KIAA0319L: variants seen among roughly 807,000 people sequenced by gnomAD.
The protein encoded by KIAA0319L is dyslexia-associated protein KIAA0319-like protein.
In KIAA0319L, 55 loss-of-function variants were observed where a neutral mutation model predicts 120.1. The observed-to-expected ratio is 0.46, with a 90% CI of 0.37 to 0.57. KIAA0319L has a LOEUF of 0.57. Ranked by LOEUF, KIAA0319L falls within the 20% of genes least tolerant of loss-of-function variation. The probability of loss-of-function intolerance (pLI) is 0.00; values close to 1 mark genes in which losing one functional copy is unlikely to be tolerated. For missense variants in KIAA0319L, 1,049 were observed against 1,255.3 expected (o/e 0.84, Z 2.48); for synonymous variants, 398 against 471.9 (o/e 0.84, Z 2.03).
At chr1:35,515,927 A>C (rs184574445) in intron 2 of KIAA0319L, among the ~76,000 whole-genome samples, 1 of 152,206 alleles carries the variant, frequency 6.6e-6, no homozygotes, top group Non-Finnish European at 1.5e-5. Context: ...GATCACCTCT[A>C]TGCATACAAA....
Position 35,434,494 on chromosome 1 carries a change from C to A in KIAA0319L, c.*400G>T, listed in dbSNP as rs1338369428. 5.9e-6 allele frequency: 1 copy of A among 169,576 alleles called. No homozygotes were observed. The highest frequency in any genetic ancestry group is 1.2e-5 in the Non-Finnish European group (1 of 80,482). 10.5% of individuals were successfully genotyped at this position (169,576 alleles called of 1,614,324 possible). ...ACCCCAGAGAGGGAAACACCATGCC[C>A]ACAGTGCTTGGTTTTGCACTCAGGT... On this transcript the variant is annotated 3_prime_UTR_variant, in exon 21 of 21. Coordinates refer to ENST00000325722, the MANE Select transcript of KIAA0319L (RefSeq NM_024874.5).
intron 4 of KIAA0319L, among the ~76,000 whole-genome samples, chr1:35,478,267 G>C (rs923251329): frequency 6.7e-6 from 1 of 148,880 alleles, no homozygotes; most frequent in Non-Finnish European, 1.5e-5. Context: ...GCGAAGGGTA[G>C]TGTGGGGGTA....
chr1:35,434,136 G>A lies in KIAA0319L; in HGVS notation c.*758C>T, dbSNP rs1435002626. On this transcript the variant is annotated 3_prime_UTR_variant, in exon 21 of 21. Coordinates refer to ENST00000325722, the MANE Select transcript of KIAA0319L (RefSeq NM_024874.5). ...GTCTTGCTCTGTCACTCAGGCTGGAGTGCAGTGGCACGATCTTGGCTCACT... is the reference window on the plus strand; with the variant it reads ...GTCTTGCTCTGTCACTCAGGCTGGAATGCAGTGGCACGATCTTGGCTCACT... 2.0e-5 allele frequency: 3 copies of A among 147,706 alleles called. No homozygotes were observed. Among genetic ancestry groups the A allele is most frequent in the Non-Finnish European group, 4.4e-5 (3 of 67,668 alleles). 9.1% of individuals were successfully genotyped at this position (147,706 alleles called of 1,614,324 possible).
At chr1:35,485,362 T>C (rs193096794) in intron 3 of KIAA0319L, among the ~76,000 whole-genome samples, 1 of 152,300 alleles carries the variant, frequency 6.6e-6, no homozygotes, top group African/African-American at 2.4e-5. Flanking sequence ...CATTTAGTAG[T>C]CAGACAATGA....
chr1:35,482,999 C>T (rs887468885), intron 3 of KIAA0319L, among the ~76,000 whole-genome samples: 4 of 152,102 alleles, frequency 2.6e-5, no homozygotes, highest in African/African-American at 4.8e-5. Context: ...TAGTGATTAG[C>T]GACATTGAAC....
chr1:35,448,273 CAGTT>C lies in KIAA0319L; in HGVS notation c.2409_2412del (p.Thr804ArgfsTer3). ...CGGATGAACATCCCCTTCAGCCTCTCAGTTAGCTGACTGACGTTGATATCCAAGA... is the reference window on the plus strand; with the variant it reads ...CGGATGAACATCCCCTTCAGCCTCTCAGCTGACTGACGTTGATATCCAAGA... On this transcript the variant is annotated frameshift_variant, in exon 16 of 21. Transcript: ENST00000325722. LOFTEE classifies it high-confidence loss of function. The C allele has an allele frequency of 6.2e-7, 1 of 1,614,058 alleles. No homozygotes were observed. The highest frequency in any genetic ancestry group is 8.5e-7 in the Non-Finnish European group (1 of 1,179,978).
chr1:35,453,162 A>G lies in KIAA0319L; in HGVS notation c.1913+395T>C, dbSNP rs959020254. Among the ~76,000 whole-genome samples, 8 of 152,154 alleles carry G rather than the reference A, an allele frequency of 5.3e-5. No homozygotes were observed. The highest frequency in any genetic ancestry group is 2.0e-4 in the Admixed American group (3 of 15,272). Reference sequence around the variant, plus strand: ...CTTTCATTTTATGGATGTATTTTCAATTTCTCTTAATAGCTGCTCTGCCCC... The same window carrying G: ...CTTTCATTTTATGGATGTATTTTCAGTTTCTCTTAATAGCTGCTCTGCCCC... On this transcript the variant is annotated intron_variant, in intron 12 of 20. Transcript: ENST00000325722. The surrounding 1 kb of genome is among the most constrained non-coding windows in gnomAD (Gnocchi z 4.1).
chr1:35,544,040 G>A (rs773977405), intron 2 of KIAA0319L, among the ~76,000 whole-genome samples: 2 of 152,090 alleles, frequency 1.3e-5, no homozygotes, highest in African/African-American at 2.4e-5. Flanking sequence ...TGGGCAGACC[G>A]GCTAGAGCAT....
intron 3 of KIAA0319L, among the ~76,000 whole-genome samples, chr1:35,485,571 C>T (rs1184250081): frequency 7.2e-5 from 11 of 152,226 alleles, no homozygotes; most frequent in African/African-American, 2.4e-4. Flanking sequence ...ATGTGGAGAG[C>T]TTATCGTAGC....
At chr1:35,519,361 T>C (rs1231481629) in intron 2 of KIAA0319L, among the ~76,000 whole-genome samples, 1 of 152,202 alleles carries the variant, frequency 6.6e-6, no homozygotes, top group Non-Finnish European at 1.5e-5. Context: ...AAGTTTTTTT[T>C]TCCCCTGTAT....
At chr1:35,515,495 G>T (rs1447752662) in intron 2 of KIAA0319L, among the ~76,000 whole-genome samples, 1 of 152,072 alleles carries the variant, frequency 6.6e-6, no homozygotes, top group Non-Finnish European at 1.5e-5. Context: ...CAGAAATCAA[G>T]AAGTTATTTG....
Position 35,537,179 on chromosome 1 carries a change from G to A in KIAA0319L, c.142+17171C>T, listed in dbSNP as rs79905488. ...AAGAAAAGCACCTAGATATGATGTC[G>A]TGAATCTACCAATTCCCTGTGTAGC... is the stretch of plus-strand genomic sequence containing the variant. On this transcript the variant is annotated intron_variant, in intron 2 of 20. Coordinates refer to ENST00000325722, the MANE Select transcript of KIAA0319L (RefSeq NM_024874.5). Among the ~76,000 whole-genome samples the A allele has an allele frequency of 6.1e-3, 931 of 152,186 alleles. 14 individuals are homozygous for A. Among genetic ancestry groups the A allele is most frequent in the African/African-American group, 0.021 (886 of 41,526 alleles).
At chr1:35,479,966 A>AAAAAAAAAAC (rs1644090904) in intron 3 of KIAA0319L, among the ~76,000 whole-genome samples, 39 of 130,774 alleles carry the variant, frequency 3.0e-4, no homozygotes, top group African/African-American at 7.2e-4. Context: ...AAAAAAAAAA[A>AAAAAAAAAAC]AAAAAACACA....
At chr1:35,542,767 G>C (rs1194866836) in intron 2 of KIAA0319L, among the ~76,000 whole-genome samples, 1 of 152,162 alleles carries the variant, frequency 6.6e-6, no homozygotes, top group East Asian at 1.9e-4. Flanking sequence ...CAATTACTGA[G>C]ATTTTAATAA....
At chr1:35,509,315 T>C (rs1645331213) in intron 2 of KIAA0319L, among the ~76,000 whole-genome samples, 1 of 152,162 alleles carries the variant, frequency 6.6e-6, no homozygotes, top group South Asian at 2.1e-4. Flanking sequence ...TGAAACTGCA[T>C]GAGGGAAATT....
At chr1:35,540,171 T>A (rs1019323457) in intron 2 of KIAA0319L, among the ~76,000 whole-genome samples, 1 of 152,106 alleles carries the variant, frequency 6.6e-6, no homozygotes, top group Non-Finnish European at 1.5e-5. Context: ...GTGGGTAGAG[T>A]TCCAGATAGG....
chr1:35,503,149 T>C (rs1411240318), intron 3 of KIAA0319L, among the ~76,000 whole-genome samples: 1 of 152,198 alleles, frequency 6.6e-6, no homozygotes, highest in Non-Finnish European at 1.5e-5. Context: ...CATCTACCTC[T>C]ACCTCTGTTT....
At chr1:35,521,283 G>A (rs1478700219) in intron 2 of KIAA0319L, among the ~76,000 whole-genome samples, 1 of 152,100 alleles carries the variant, frequency 6.6e-6, no homozygotes, top group Admixed American at 6.6e-5. Context: ...AGGTTGCAGT[G>A]AGCCGAGATT....
intron 6 of KIAA0319L, 81 bp downstream of exon 6, chr1:35,470,781 GA>G: frequency 1.1e-6 from 1 of 872,000 alleles, no homozygotes. Context: ...CTTAAGTGTA[GA>G]CAGAAAATTA....
Sources: allele counts gnomAD v4.1 joint callset (sites outside exome capture counted in the v4.1 genomes callset), GRCh38; gene constraint gnomAD v4.1.1; non-coding constraint Gnocchi (gnomAD v3.1); transcripts MANE v1.5; gene names NCBI Gene and HGNC (gene_info 2026-07-23, HGNC 2026-07-21).